Variants in ATP13A2 observed in about 807,000 individuals in gnomAD.
ATP13A2 encodes the protein polyamine-transporting ATPase 13A2.
In ATP13A2, 83 loss-of-function variants were observed where a neutral mutation model predicts 138.3. The ratio of observed to expected loss-of-function variants is 0.60; its 90% CI spans 0.50 to 0.72. The LOEUF (loss-of-function observed/expected upper bound fraction) is 0.72, where lower values mean the gene tolerates loss of function less well. ATP13A2 is among the 30% of genes least tolerant of loss of function. The probability of loss-of-function intolerance (pLI) is 0.00; values close to 1 mark genes in which losing one functional copy is unlikely to be tolerated. For missense variants in ATP13A2, 1,402 were observed against 1,606.4 expected, an observed-to-expected ratio of 0.87 and a Z score of 2.17; for synonymous variants, 663 against 699.0, an observed-to-expected ratio of 0.95 and a Z score of 0.81.
At position 16,986,647 on chromosome 1, in the gene ATP13A2, G is replaced by C. The variant is rs763160625; in HGVS notation, c.3236-15C>G. On this transcript the variant is annotated splice_polypyrimidine_tract_variant and intron_variant, in intron 27 of 28. Transcript: ENST00000326735. The surrounding 1 kb of genome is among the most constrained non-coding windows in gnomAD (Gnocchi z 6.9). ...CAGGAAGGGCACTGGGAGCAGGAGA[G>C]TCTCTCAGGCAGGAGCCACGCCCCC... 1 of 1,601,850 alleles carries C rather than the reference G, an allele frequency of 6.2e-7. No homozygotes were observed. Among genetic ancestry groups the C allele is most frequent in the South Asian group, 1.1e-5 (1 of 90,446 alleles).
In ATP13A2 at chr1:17,001,902, T is replaced by G. The variant is rs529077798; in HGVS notation, c.705+132A>C. ...AGGCTGACTGCGGCAGGTTCTGAGATGACGATCCACTATGGAGAAGGGGAC... is the reference window on the plus strand; with the variant it reads ...AGGCTGACTGCGGCAGGTTCTGAGAGGACGATCCACTATGGAGAAGGGGAC... On this transcript the variant is annotated intron_variant, in intron 8 of 28. Coordinates refer to ENST00000326735, the MANE Select transcript of ATP13A2 (RefSeq NM_022089.4). 7.5e-5 allele frequency: 69 copies of G among 922,300 alleles called. No individual in the cohort carries two copies. The African/African-American group carries it at 1.1e-3, about 15-fold the overall frequency. 57.1% of individuals were successfully genotyped at this position (922,300 alleles called of 1,614,324 possible).
chr1:16,990,331 A>G (rs1284174248), intron 20 of ATP13A2, 44 bp from the exon 21 acceptor site: 1 of 1,611,096 alleles, frequency 6.2e-7, no homozygotes, highest in Non-Finnish European at 8.5e-7. Flanking sequence ...CTATCCGGGG[A>G]GGCCATCCTC....
intron 6 of ATP13A2, among the ~76,000 whole-genome samples, chr1:17,002,811 T>A (rs138627957): frequency 6.6e-6 from 1 of 152,220 alleles, no homozygotes; most frequent in Non-Finnish European, 1.5e-5. Flanking sequence ...TGCCTGCCAC[T>A]TGCTAAGTGA....
rs1373598537 is a variant in ATP13A2 at position 16,986,262 on chromosome 1, C to A, written c.3502G>T (p.Glu1168Ter). 1.2e-6 allele frequency: 2 copies of A among 1,607,788 alleles called. No homozygotes were observed. The highest frequency in any genetic ancestry group is 1.7e-6 in the Non-Finnish European group (2 of 1,177,882). ...RFKQLERELA[E>*]QPWPPLPAGP... is the part of the protein sequence containing the mutation. Reference sequence around the variant, plus strand: ...GCGGGCAGCGGCGGCCAGGGCTGCTCGGCCAGCTCTCGTTCCAGCTGCTTG... The same window carrying A: ...GCGGGCAGCGGCGGCCAGGGCTGCTAGGCCAGCTCTCGTTCCAGCTGCTTG... Residue 1168 changes from glutamate (E) to a stop codon, truncating the protein, a stop_gained, in exon 29 of 29, where the codon GAG (glutamate) becomes TAG (stop). Coordinates refer to ENST00000326735, the MANE Select transcript of ATP13A2 (RefSeq NM_022089.4). LOFTEE classifies it high-confidence loss of function. This position sits in a 1 kb window ranked among gnomAD's most constrained non-coding sequence, Gnocchi z 6.9.
chr1:16,990,832 C>T (rs973667720), intron 20 of ATP13A2, among the ~76,000 whole-genome samples: 54 of 151,860 alleles, frequency 3.6e-4, no homozygotes, highest in African/African-American at 1.3e-3. Flanking sequence ...ACATATACTC[C>T]TTACTGCTGT....
In ATP13A2 at chr1:17,003,193, TG is replaced by T. The variant is rs777228326; in HGVS notation, c.558-821del. ...CTTCCATCCCTTCCCCAGCACTGCCTGGGATCAGCTTCAAAACAAACTCCCT... is the reference window on the plus strand; with the variant it reads ...CTTCCATCCCTTCCCCAGCACTGCCTGGATCAGCTTCAAAACAAACTCCCT... On this transcript the variant is annotated intron_variant, in intron 6 of 28. Coordinates refer to ENST00000326735, the MANE Select transcript of ATP13A2 (RefSeq NM_022089.4). Among the ~76,000 whole-genome samples, 113 of 152,254 alleles carry T rather than the reference TG, an allele frequency of 7.4e-4. 1 individual carries two copies. The East Asian group carries it at 0.015, about 21-fold the overall frequency.
intron 25 of ATP13A2, among the ~76,000 whole-genome samples, chr1:16,987,512 G>A (rs1055477198): frequency 1.3e-5 from 2 of 152,168 alleles, no homozygotes; most frequent in Admixed American, 6.5e-5. Flanking sequence ...CTGAGGGGAG[G>A]TTTCCCTCCC....
At position 16,986,418 on chromosome 1, in the gene ATP13A2, C is replaced by T; in HGVS notation, c.3405+45G>A. 1 of 1,605,742 alleles carries T rather than the reference C, an allele frequency of 6.2e-7. No individual in the cohort carries two copies. The highest frequency in any genetic ancestry group is 2.2e-5 in the East Asian group (1 of 44,598). ...GGGCTGAGCTGGGGTCAATGCACCCCCACCTCCCTTCTCTCCCGCTGCTGA... is the reference window on the plus strand; with the variant it reads ...GGGCTGAGCTGGGGTCAATGCACCCTCACCTCCCTTCTCTCCCGCTGCTGA... On this transcript the variant is annotated intron_variant, in intron 28 of 28. Coordinates refer to ENST00000326735, the MANE Select transcript of ATP13A2 (RefSeq NM_022089.4). The surrounding 1 kb of genome is among the most constrained non-coding windows in gnomAD (Gnocchi z 6.9).
At position 17,011,836 on chromosome 1, in the gene ATP13A2, C is replaced by G; in HGVS notation, c.-98G>C. 1 of 1,068,454 alleles carries G rather than the reference C, an allele frequency of 9.4e-7. No individual in the cohort carries two copies. Among genetic ancestry groups the G allele is most frequent in the Non-Finnish European group, 1.1e-6 (1 of 883,138 alleles). The allele number at this position is 1,068,454 out of a possible 1,614,324, so 66.2% of individuals were successfully genotyped here. On this transcript the variant is annotated 5_prime_UTR_variant, in exon 1 of 29. Coordinates refer to ENST00000326735, the MANE Select transcript of ATP13A2 (RefSeq NM_022089.4). The surrounding 1 kb of genome is among the most constrained non-coding windows in gnomAD (Gnocchi z 7.3). ...TGGGCGGGGGCGCGGTCCGGACGGC[C>G]CGGGGCGAGGGGCGCTGGGCTAGCG...
At position 16,990,107 on chromosome 1, in the gene ATP13A2, G is replaced by A; in HGVS notation, c.2412+20C>T. ...GGGGTCACTGGGTGAGGTACAGCTGGAACTCTGGGTTAGCCTCACCTTAAC... is the reference window on the plus strand; with the variant it reads ...GGGGTCACTGGGTGAGGTACAGCTGAAACTCTGGGTTAGCCTCACCTTAAC... On this transcript the variant is annotated intron_variant, in intron 21 of 28. Transcript: ENST00000326735. 6.2e-7 allele frequency: 1 copy of A among 1,614,158 alleles called. No individual in the cohort carries two copies. The highest frequency in any genetic ancestry group is 2.2e-5 in the East Asian group (1 of 44,872).
At chr1:17,010,269 G>A (rs2101356332) in intron 1 of ATP13A2, among the ~76,000 whole-genome samples, 1 of 152,200 alleles carries the variant, frequency 6.6e-6, no homozygotes, top group African/African-American at 2.4e-5. Flanking sequence ...GTAGAGACGG[G>A]GTTTCCCCAT....
At chr1:16,993,962 G>T (rs2100823962) in intron 15 of ATP13A2, 127 bp from the exon 16 acceptor site, 2 of 798,422 alleles carry the variant, frequency 2.5e-6, no homozygotes, top group East Asian at 5.5e-5. Context: ...GGAGCCAAAA[G>T]ATGACCTTTC....
In ATP13A2 at chr1:16,986,734, T is replaced by A. The variant is rs937351387; in HGVS notation, c.3235+71A>T. ...CCACTCGGCCGGCACCTCTCTCCCA[T>A]CTGCCTCCCCAGCACCCCAGGGCTC... is the stretch of plus-strand genomic sequence containing the variant. On this transcript the variant is annotated intron_variant, in intron 27 of 28. Transcript: ENST00000326735. The surrounding 1 kb of genome is among the most constrained non-coding windows in gnomAD (Gnocchi z 6.9). The A allele has an allele frequency of 5.7e-6, 9 of 1,579,942 alleles. No homozygotes were observed. In the African/African-American group the frequency reaches 1.1e-4, roughly 19 times the overall value.
intron 11 of ATP13A2, among the ~76,000 whole-genome samples, chr1:16,999,295 G>A (rs375891583): frequency 4.8e-5 from 7 of 146,338 alleles, no homozygotes; most frequent in Admixed American, 2.9e-4. Context: ...CAGGAGAATC[G>A]CTTGAACCCA....
Position 16,990,139 on chromosome 1 carries a change from C to A in ATP13A2, c.2400G>T (p.Val800=), listed in dbSNP as rs1356923259. Residue 800 remains valine (V), a synonymous_variant, in exon 21 of 29, where the codon GTG becomes GTT. Coordinates refer to ENST00000326735, the MANE Select transcript of ATP13A2 (RefSeq NM_022089.4). ...GGGTTAGCCTCACCTTAACGCCATT[C>A]ACGGCTGTGGGGGACTCCATCGGCA... ...EFLPMESPTA[V]NGVKDPDQAA... is the part of the protein sequence containing the mutation. 1 of 1,614,168 alleles carries A rather than the reference C, an allele frequency of 6.2e-7. No individual in the cohort carries two copies. The highest frequency in any genetic ancestry group is 1.7e-5 in the Admixed American group (1 of 60,032).
Position 17,004,640 on chromosome 1 carries a change from C to G in ATP13A2, c.477+52G>C, listed in dbSNP as rs997322683. On this transcript the variant is annotated intron_variant, in intron 5 of 28. Transcript: ENST00000326735. This position sits in a 1 kb window ranked among gnomAD's most constrained non-coding sequence, Gnocchi z 4.1. Reference sequence around the variant, plus strand: ...CATGAAGTCTGACTCTCCCATTGCACAGATCATGAAACCGAGGCCGAGAGA... The same window carrying G: ...CATGAAGTCTGACTCTCCCATTGCAGAGATCATGAAACCGAGGCCGAGAGA... 7.4e-6 allele frequency: 12 copies of G among 1,613,808 alleles called. No homozygotes were observed. Among genetic ancestry groups the G allele is most frequent in the Non-Finnish European group, 9.3e-6 (11 of 1,180,022 alleles).
At chr1:16,993,529 T>C (rs1557685150) in intron 16 of ATP13A2, 100 bp downstream of exon 16, 2 of 1,201,932 alleles carry the variant, frequency 1.7e-6, no homozygotes, top group East Asian at 5.1e-5. Flanking sequence ...ATGGTGGGCA[T>C]AATAAGAGAC....
At chr1:17,003,845 G>A (rs2077454559) in intron 6 of ATP13A2, among the ~76,000 whole-genome samples, 1 of 151,998 alleles carries the variant, frequency 6.6e-6, no homozygotes, top group Non-Finnish European at 1.5e-5. Flanking sequence ...TGTGTTTTTA[G>A]TAGAGATGGG....
At chr1:16,992,427 G>A (rs1251035133) in intron 17 of ATP13A2, 25 bp from the exon 18 acceptor site, 3 of 1,613,570 alleles carry the variant, frequency 1.9e-6, no homozygotes, top group Non-Finnish European at 2.5e-6. Flanking sequence ...AGGCAGCTGA[G>A]GTGCTGGCTG....
Sources: gnomAD v4.1 joint callset for allele counts (sites outside exome capture counted in the v4.1 genomes callset) on GRCh38, gnomAD v4.1.1 for gene constraint, Gnocchi (gnomAD v3.1) non-coding constraint, MANE v1.5 for transcripts, NCBI Gene and HGNC (gene_info 2026-07-23, HGNC 2026-07-21) for gene names.